Variants in FIGN observed in about 807,000 individuals in gnomAD.
FIGN encodes the protein fidgetin, microtubule severing factor.
FIGN carries 11 observed loss-of-function variants against 51.3 expected under a neutral mutation model. The observed-to-expected ratio is 0.21, with a 90% confidence interval of 0.13 to 0.35. FIGN has a LOEUF of 0.35. Ranked by LOEUF, FIGN falls within the 10% of genes least tolerant of loss-of-function variation. The probability of loss-of-function intolerance (pLI) is 1.00; values close to 1 mark genes in which losing one functional copy is unlikely to be tolerated. For synonymous variants in FIGN, 407 were observed against 363.2 expected (o/e 1.12, Z -1.37); for missense variants, 857 against 943.6 (o/e 0.91, Z 1.20).
chr2:163,687,917 A>C (rs757802983), intron 2 of FIGN, among the ~76,000 whole-genome samples: 1 of 152,210 alleles, frequency 6.6e-6, no homozygotes, highest in Non-Finnish European at 1.5e-5. Context: ...CATCCCTGAC[A>C]GTTAAGCCAG....
intron 2 of FIGN, among the ~76,000 whole-genome samples, chr2:163,620,563 A>T (rs1351339279): frequency 6.6e-6 from 1 of 152,152 alleles, no homozygotes; most frequent in Non-Finnish European, 1.5e-5. Context: ...TTGATCCATA[A>T]ACAGAGTACT....
chr2:163,655,898 T>C (rs1683552793), intron 2 of FIGN, among the ~76,000 whole-genome samples: 1 of 152,000 alleles, frequency 6.6e-6, no homozygotes. Context: ...TTCCTGCCAA[T>C]ATTCTGGAGG....
intron 2 of FIGN, among the ~76,000 whole-genome samples, chr2:163,684,630 G>A (rs1026031354): frequency 5.3e-5 from 8 of 152,094 alleles, no homozygotes; most frequent in Admixed American, 3.3e-4. Flanking sequence ...CAGAGGGAGA[G>A]GTAGATGTTT....
chr2:163,665,284 A>G (rs1427242556), intron 2 of FIGN, among the ~76,000 whole-genome samples: 1 of 152,244 alleles, frequency 6.6e-6, no homozygotes, highest in South Asian at 2.1e-4. Flanking sequence ...GCGGCTTAAG[A>G]GGGAATTAAG....
At chr2:163,687,506 T>C (rs1198958393) in intron 2 of FIGN, among the ~76,000 whole-genome samples, 1 of 152,142 alleles carries the variant, frequency 6.6e-6, no homozygotes, top group African/African-American at 2.4e-5. Flanking sequence ...CTTTCCCTTT[T>C]CAGAGTACTA....
At chr2:163,624,708 A>ATATTT (rs564288395) in intron 2 of FIGN, among the ~76,000 whole-genome samples, 1 of 145,494 alleles carries the variant, frequency 6.9e-6, no homozygotes, top group African/African-American at 2.5e-5. Context: ...ATATATATAT[A>ATATTT]TTTTTTTTTT....
At chr2:163,697,421 G>A (rs899749767) in intron 2 of FIGN, among the ~76,000 whole-genome samples, 1 of 152,022 alleles carries the variant, frequency 6.6e-6, no homozygotes, top group African/African-American at 2.4e-5. Context: ...GATTACTTAT[G>A]TGTCCATCTC....
intron 2 of FIGN, among the ~76,000 whole-genome samples, chr2:163,620,428 C>G (rs960909755): frequency 6.6e-6 from 1 of 152,052 alleles, no homozygotes; most frequent in East Asian, 1.9e-4. Context: ...AGAGCACTAC[C>G]CTTGTTCTGC....
At chr2:163,640,927 C>T (rs986020761) in intron 2 of FIGN, among the ~76,000 whole-genome samples, 1 of 152,184 alleles carries the variant, frequency 6.6e-6, no homozygotes, top group South Asian at 2.1e-4. Context: ...TCTTCCTTGT[C>T]CCTTAACAGA....
intron 2 of FIGN, among the ~76,000 whole-genome samples, chr2:163,636,683 T>C (rs1240693638): frequency 2.6e-5 from 4 of 152,156 alleles, no homozygotes; most frequent in Non-Finnish European, 5.9e-5. Flanking sequence ...TGATGGTAAA[T>C]ATATCCCCTC....
At chr2:163,640,764 G>A (rs1683294457) in intron 2 of FIGN, among the ~76,000 whole-genome samples, 1 of 152,174 alleles carries the variant, frequency 6.6e-6, no homozygotes. Flanking sequence ...CAGAATGGGA[G>A]AGTCCTCTTA....
In FIGN at chr2:163,603,316, T is replaced by C. The variant is rs1691014844; in HGVS notation, c.*6236A>G. 1 of 152,104 alleles carries C rather than the reference T, an allele frequency of 6.6e-6. No individual in the cohort carries two copies. Among genetic ancestry groups the C allele is most frequent in the Non-Finnish European group, 1.5e-5 (1 of 67,988 alleles). 9.4% of individuals were successfully genotyped at this position (152,104 alleles called of 1,614,324 possible). Reference sequence around the variant, plus strand: ...AAGAAACATGTACTATATAGGGCTTTTCTTCTTTCAAGGGGTCAAAATCTG... The same window carrying C: ...AAGAAACATGTACTATATAGGGCTTCTCTTCTTTCAAGGGGTCAAAATCTG... On this transcript the variant is annotated 3_prime_UTR_variant, in exon 3 of 3. Coordinates refer to ENST00000333129, the MANE Select transcript of FIGN (RefSeq NM_018086.4).
chr2:163,636,363 G>A (rs1202448779), intron 2 of FIGN, among the ~76,000 whole-genome samples: 2 of 152,102 alleles, frequency 1.3e-5, no homozygotes, highest in Non-Finnish European at 2.9e-5. Context: ...TTGGCTCACC[G>A]CAACCTCTGC....
At chr2:163,670,976 A>C (rs577504229) in intron 2 of FIGN, among the ~76,000 whole-genome samples, 5 of 152,242 alleles carry the variant, frequency 3.3e-5, no homozygotes, top group Admixed American at 1.3e-4. Context: ...GAGCATAATT[A>C]GCTCATCAAT....
chr2:163,703,146 A>G (rs1684436892), intron 2 of FIGN, among the ~76,000 whole-genome samples: 1 of 152,092 alleles, frequency 6.6e-6, no homozygotes, highest in Non-Finnish European at 1.5e-5. Context: ...ATAAAGAAAA[A>G]AGAGTTTTCT....
intron 2 of FIGN, among the ~76,000 whole-genome samples, chr2:163,673,081 C>G (rs943687926): frequency 6.6e-6 from 1 of 151,822 alleles, no homozygotes; most frequent in Non-Finnish European, 1.5e-5. Context: ...GAGCAGCTTA[C>G]GACAGAAAAA....
At chr2:163,626,111 G>A (rs1301772377) in intron 2 of FIGN, among the ~76,000 whole-genome samples, 1 of 152,090 alleles carries the variant, frequency 6.6e-6, no homozygotes, top group African/African-American at 2.4e-5. Context: ...ATAGGGCCAT[G>A]AGAACCAAGA....
intron 2 of FIGN, among the ~76,000 whole-genome samples, chr2:163,706,650 C>A (rs1684504094): frequency 6.6e-6 from 1 of 152,070 alleles, no homozygotes; most frequent in Non-Finnish European, 1.5e-5. Context: ...TGCATATCAT[C>A]CAAACAAATC....
intron 2 of FIGN, among the ~76,000 whole-genome samples, chr2:163,717,206 T>G (rs903483314): frequency 2.6e-5 from 4 of 152,174 alleles, no homozygotes; most frequent in Non-Finnish European, 5.9e-5. Flanking sequence ...ATTTTCATAT[T>G]ATTTTTACAA....
Sources: allele counts gnomAD v4.1 joint callset (sites outside exome capture counted in the v4.1 genomes callset), GRCh38; gene constraint gnomAD v4.1.1; transcripts MANE v1.5; gene names NCBI Gene and HGNC (gene_info 2026-07-23, HGNC 2026-07-21).